Variants in NFIB observed in about 807,000 individuals in gnomAD.
NFIB encodes nuclear factor 1 B-type.
In NFIB, 11 loss-of-function variants were observed where a neutral mutation model predicts 61.5. The ratio of observed to expected loss-of-function variants is 0.18; its 90% confidence interval spans 0.11 to 0.30. The LOEUF (loss-of-function observed/expected upper bound fraction) is 0.30. Among genes scored for constraint, NFIB ranks in the 10% least tolerant of loss-of-function variants. The pLI, the probability that NFIB is intolerant of heterozygous loss-of-function variation, is 1.00. For synonymous variants in NFIB, 260 were observed against 216.5 expected (o/e 1.20, Z -1.76); for missense variants, 471 against 608.9 (o/e 0.77, Z 2.38).
chr9:14,497,083 G>C, the NFIB span, among the ~76,000 whole-genome samples: 1 of 152,234 alleles, frequency 6.6e-6, no homozygotes, highest in African/African-American at 2.4e-5. Flanking sequence ...CTGCCTGTGA[G>C]TCCAAGCTGT....
chr9:14,353,817 A>T (rs942808642), intron 1 of NFIB, among the ~76,000 whole-genome samples: 2 of 151,066 alleles, frequency 1.3e-5, no homozygotes, highest in African/African-American at 4.9e-5. Flanking sequence ...CTAGAGTCCA[A>T]ATAGAGACTC....
At chr9:14,319,427 T>C (rs2060614240) in intron 1 of NFIB, among the ~76,000 whole-genome samples, 1 of 152,230 alleles carries the variant, frequency 6.6e-6, no homozygotes, top group South Asian at 2.1e-4. Context: ...TGATGTATTT[T>C]AAACTTTGAA....
At chr9:14,155,049 T>A (rs1287772090) in intron 4 of NFIB, among the ~76,000 whole-genome samples, 1 of 152,138 alleles carries the variant, frequency 6.6e-6, no homozygotes, top group Non-Finnish European at 1.5e-5. Flanking sequence ...TATCAAAATG[T>A]CAGGTGAAAA....
chr9:14,315,701 T>C (rs964251717), upstream of NFIB, among the ~76,000 whole-genome samples: 1 of 151,326 alleles, frequency 6.6e-6, no homozygotes, highest in Non-Finnish European at 1.5e-5. Flanking sequence ...CCAGGGATTT[T>C]GAAGAAGGCG....
intron 1 of NFIB, among the ~76,000 whole-genome samples, chr9:14,392,638 T>C (rs1315536582): frequency 6.6e-6 from 1 of 152,010 alleles, no homozygotes; most frequent in African/African-American, 2.4e-5. Context: ...TGAGATCTAT[T>C]GAACCCAGGG....
chr9:14,274,825 G>A (rs146064056), intron 2 of NFIB, among the ~76,000 whole-genome samples: 12 of 152,144 alleles, frequency 7.9e-5, no homozygotes, highest in Admixed American at 4.6e-4. Flanking sequence ...GACAACCATC[G>A]TTTGGAAACA....
chr9:14,332,250 T>C (rs1314419411), intron 1 of NFIB, among the ~76,000 whole-genome samples: 5 of 150,350 alleles, frequency 3.3e-5, no homozygotes, highest in Non-Finnish European at 7.4e-5. Flanking sequence ...GGAGAATCGC[T>C]TGAACCTGGG....
the NFIB span, among the ~76,000 whole-genome samples, chr9:14,513,399 G>T: frequency 6.6e-6 from 1 of 152,124 alleles, no homozygotes; most frequent in Admixed American, 6.6e-5. Flanking sequence ...GGAGGCTGAG[G>T]CGGGCAGATC....
intron 10 of NFIB, among the ~76,000 whole-genome samples, chr9:14,107,289 T>C (rs1276079769): frequency 6.6e-6 from 1 of 151,614 alleles, no homozygotes; most frequent in Non-Finnish European, 1.5e-5. Context: ...AAAATTGTGT[T>C]GTATGTTTCA....
At chr9:14,299,164 A>G (rs2132630534) in intron 2 of NFIB, among the ~76,000 whole-genome samples, 1 of 152,292 alleles carries the variant, frequency 6.6e-6, no homozygotes, top group Non-Finnish European at 1.5e-5. Context: ...CCCTACTTCA[A>G]ATAACTTTTT....
At chr9:14,205,009 G>A in intron 2 of NFIB, 1 of 265,548 alleles carries the variant, frequency 3.8e-6, no homozygotes, top group Non-Finnish European at 7.5e-6. Context: ...AGCTCAAAAG[G>A]CAAAAGCTAA....
the NFIB span, among the ~76,000 whole-genome samples, chr9:14,464,393 G>C: frequency 1.3e-5 from 2 of 152,182 alleles, no homozygotes; most frequent in Admixed American, 1.3e-4. Flanking sequence ...GCTGTGTGTG[G>C]AAGGAGCCAG....
At chr9:14,166,492 A>G (rs553191518) in intron 3 of NFIB, among the ~76,000 whole-genome samples, 1 of 152,344 alleles carries the variant, frequency 6.6e-6, no homozygotes, top group Non-Finnish European at 1.5e-5. Context: ...CATCCAGGAC[A>G]TTTCAAAATT....
intron 2 of NFIB, among the ~76,000 whole-genome samples, chr9:14,201,316 G>A (rs1464356635): frequency 6.6e-6 from 1 of 152,072 alleles, no homozygotes; most frequent in East Asian, 1.9e-4. Context: ...CCTGGCCCCA[G>A]CCTAGCCTCA....
intron 2 of NFIB, among the ~76,000 whole-genome samples, chr9:14,230,516 T>C (rs751231582): frequency 1.1e-4 from 16 of 152,180 alleles, no homozygotes; most frequent in Non-Finnish European, 2.1e-4. Flanking sequence ...AGCAGAGATA[T>C]AGTCTATATC....
At chr9:14,527,702 A>C in the NFIB span, among the ~76,000 whole-genome samples, 1 of 152,150 alleles carries the variant, frequency 6.6e-6, no homozygotes, top group Non-Finnish European at 1.5e-5. Flanking sequence ...ATAGTTTCAA[A>C]TTCTACAAAT....
chr9:14,179,893 T>A, intron 2 of NFIB, 113 bp from the exon 3 acceptor site: 1 of 894,806 alleles, frequency 1.1e-6, no homozygotes, highest in Non-Finnish European at 1.7e-6. Context: ...GTTGAGTGCT[T>A]AAATAAAATA....
At chr9:14,131,647 G>C (rs2040423405) in intron 6 of NFIB, among the ~76,000 whole-genome samples, 1 of 152,214 alleles carries the variant, frequency 6.6e-6, no homozygotes, top group African/African-American at 2.4e-5. Flanking sequence ...CAGGGAAAGT[G>C]TGCAGAAACG....
At chr9:14,376,172 C>T (rs2061417083) in intron 1 of NFIB, among the ~76,000 whole-genome samples, 1 of 152,194 alleles carries the variant, frequency 6.6e-6, no homozygotes, top group Non-Finnish European at 1.5e-5. Flanking sequence ...GTGATCCTCC[C>T]ACTTCAGCCT....
Sources: gnomAD v4.1 joint callset for allele counts (sites outside exome capture counted in the v4.1 genomes callset) on GRCh38, gnomAD v4.1.1 for gene constraint, MANE v1.5 for transcripts, NCBI Gene and HGNC (gene_info 2026-07-23, HGNC 2026-07-21) for gene names.